Variants in PCDH11Y observed in about 807,000 individuals in gnomAD.
PCDH11Y encodes the protein protocadherin 11 Y-linked.
For missense variants in PCDH11Y, 12 were observed against 224.8 expected, an observed-to-expected ratio of 0.05 and a Z score of 6.05; for synonymous variants, 9 against 83.6, an observed-to-expected ratio of 0.11 and a Z score of 4.87.
At chrY:5,078,996 G>A in intron 1 of PCDH11Y, among the ~76,000 whole-genome samples, 2 of 33,477 alleles carry the variant, frequency 6.0e-5, no homozygotes, top group Admixed American at 5.3e-4. Context: ...GGGTGTACAG[G>A]GTAAATACAC....
chrY:5,231,944 C>T (rs2563202), intron 2 of PCDH11Y, among the ~76,000 whole-genome samples: 253 of 32,948 alleles, frequency 7.7e-3, no homozygotes, highest in African/African-American at 0.028. Flanking sequence ...CAGGCCATGA[C>T]GTATACTGCC....
At chrY:5,295,710 A>G (rs2053073478) in intron 2 of PCDH11Y, among the ~76,000 whole-genome samples, 1 of 33,601 alleles carries the variant, frequency 3.0e-5, no homozygotes, top group Non-Finnish European at 7.4e-5. Flanking sequence ...TGCCCTTTTT[A>G]GGCTATTTCC....
chrY:5,504,998 G>A, intron 3 of PCDH11Y, among the ~76,000 whole-genome samples: 2 of 32,920 alleles, frequency 6.1e-5, no homozygotes, highest in African/African-American at 1.2e-4. Flanking sequence ...AATACTCTAT[G>A]TTTATGAAGC....
At chrY:5,095,714 C>A in intron 1 of PCDH11Y, among the ~76,000 whole-genome samples, 1 of 31,538 alleles carries the variant, frequency 3.2e-5, no homozygotes, top group Non-Finnish European at 7.8e-5. Flanking sequence ...TTAAAATATG[C>A]AGTATATCAA....
chrY:5,415,697 C>T, intron 2 of PCDH11Y, among the ~76,000 whole-genome samples: 1 of 29,099 alleles, frequency 3.4e-5, no homozygotes, highest in African/African-American at 1.4e-4. Flanking sequence ...GGGGAATGGG[C>T]GTCCCTGGCA....
At chrY:5,063,686 C>T (rs2052679822) in intron 1 of PCDH11Y, among the ~76,000 whole-genome samples, 1 of 32,619 alleles carries the variant, frequency 3.1e-5, no homozygotes, top group Non-Finnish European at 7.6e-5. Context: ...TTCAATTTCC[C>T]AGTGCAGGTA....
intron 4 of PCDH11Y, among the ~76,000 whole-genome samples, chrY:5,664,606 T>C: frequency 4.0e-5 from 1 of 25,092 alleles, no homozygotes; most frequent in East Asian, 1.1e-3. Context: ...CTTTTTTTTC[T>C]TTTTTTTTTT....
At chrY:5,654,795 TG>T (rs2053534864) in intron 4 of PCDH11Y, among the ~76,000 whole-genome samples, 28 of 33,132 alleles carry the variant, frequency 8.5e-4, no homozygotes, top group Non-Finnish European at 1.6e-3. Flanking sequence ...GCTTAATACC[TG>T]GGTGATGAAA....
chrY:5,291,330 C>T, intron 2 of PCDH11Y, among the ~76,000 whole-genome samples: 3 of 33,679 alleles, frequency 8.9e-5, no homozygotes, highest in Admixed American at 2.7e-4. Context: ...TATTCGGTGG[C>T]GTCTTTTGGT....
chrY:5,416,166 A>G (rs2053253086), intron 2 of PCDH11Y, among the ~76,000 whole-genome samples: 2 of 32,620 alleles, frequency 6.1e-5, no homozygotes, highest in South Asian at 1.4e-3. Context: ...GTAGAATTCA[A>G]CAGTGAAACT....
intron 2 of PCDH11Y, among the ~76,000 whole-genome samples, chrY:5,284,201 C>G (rs1602899247): frequency 3.1e-3 from 101 of 32,678 alleles, no homozygotes; most frequent in African/African-American, 0.011. Flanking sequence ...TACCTTGGTT[C>G]CTTATATTTT....
intron 4 of PCDH11Y, among the ~76,000 whole-genome samples, chrY:5,596,399 T>C: frequency 3.1e-5 from 1 of 32,125 alleles, no homozygotes; most frequent in African/African-American, 1.2e-4. Context: ...AATTTATAAA[T>C]TAACACAGAG....
intron 4 of PCDH11Y, among the ~76,000 whole-genome samples, chrY:5,709,449 GT>G (rs2053585120): frequency 6.0e-5 from 2 of 33,209 alleles, no homozygotes; most frequent in South Asian, 1.4e-3. Context: ...CAGTTTGTTA[GT>G]CCCCCCACCA....
chrY:5,256,443 T>C (rs2124657521), intron 2 of PCDH11Y, among the ~76,000 whole-genome samples: 1 of 33,809 alleles, frequency 3.0e-5, no homozygotes, highest in Admixed American at 2.7e-4. Flanking sequence ...TTTGTTACTA[T>C]AGCTTTGTAG....
intron 2 of PCDH11Y, among the ~76,000 whole-genome samples, chrY:5,451,950 C>T: frequency 6.0e-5 from 2 of 33,226 alleles, no homozygotes; most frequent in African/African-American, 2.4e-4. Flanking sequence ...AATACTGTAT[C>T]TATATCCACC....
intron 4 of PCDH11Y, among the ~76,000 whole-genome samples, chrY:5,647,524 G>C: frequency 2.1e-4 from 7 of 32,840 alleles, no homozygotes; most frequent in African/African-American, 3.6e-4. Flanking sequence ...TTATTTTTTT[G>C]AGACGGAGTT....
At position 5,407,608 on chromosome Y, in the gene PCDH11Y, C is replaced by T. The variant is rs1602920751; in HGVS notation, c.3130-93449C>T. On this transcript the variant is annotated intron_variant, in intron 2 of 4. Coordinates refer to the PCDH11Y transcript ENST00000400457. ...AGAACTTTGGAATGATAATAGAGTT[C>T]TATAACATAGAACTAAAGCTGTGGG... Among the ~76,000 whole-genome samples, 5 of 32,722 alleles carry T rather than the reference C, an allele frequency of 1.5e-4. No homozygotes were observed. In the East Asian group the frequency reaches 4.1e-3, roughly 27 times the overall value. The allele number at this position is 32,722 out of a possible 37,273, so 87.8% of individuals were successfully genotyped here.
At chrY:5,093,822 CTCT>C in intron 1 of PCDH11Y, among the ~76,000 whole-genome samples, 1 of 32,298 alleles carries the variant, frequency 3.1e-5, no homozygotes, top group South Asian at 6.7e-4. Context: ...CCAAATTCTG[CTCT>C]TCTTTTATCT....
chrY:5,673,559 C>A (rs2053551299), intron 4 of PCDH11Y, among the ~76,000 whole-genome samples: 1 of 24,402 alleles, frequency 4.1e-5, no homozygotes, highest in African/African-American at 1.6e-4. Flanking sequence ...TAAAATTTAG[C>A]CTGATATTCC....
Sources: gnomAD v4.1 joint callset for allele counts (sites outside exome capture counted in the v4.1 genomes callset) on GRCh38, gnomAD v4.1.1 for gene constraint, MANE v1.5 for transcripts, NCBI Gene and HGNC (gene_info 2026-07-23, HGNC 2026-07-21) for gene names.